Variants in STX6 observed in about 807,000 individuals in gnomAD.
The protein encoded by STX6 is syntaxin 6.
A neutral mutation model predicts 38.0 loss-of-function variants in STX6; 23 were observed. That is an observed-to-expected ratio of 0.60 (90% CI 0.43 to 0.86). STX6 has a LOEUF of 0.86. Ranked by LOEUF, STX6 falls within the 40% of genes least tolerant of loss-of-function variation. The pLI is 0.00. For synonymous variants in STX6, 123 were observed against 107.5 expected (o/e 1.14, Z -0.89); for missense variants, 274 against 312.9 (o/e 0.88, Z 0.94).
At chr1:181,018,277 G>A (rs1656620559) in intron 1 of STX6, among the ~76,000 whole-genome samples, 1 of 151,158 alleles carries the variant, frequency 6.6e-6, no homozygotes, top group African/African-American at 2.4e-5. Context: ...CAGCTACTTG[G>A]GAGGGTGTGG....
intron 1 of STX6, among the ~76,000 whole-genome samples, chr1:181,014,914 C>T (rs768269120): frequency 5.3e-5 from 8 of 152,080 alleles, no homozygotes; most frequent in Non-Finnish European, 8.8e-5. Flanking sequence ...AATTTTTGAC[C>T]CTAACTTACT....
chr1:181,000,586 T>C (rs1305059143), intron 3 of STX6, among the ~76,000 whole-genome samples: 5 of 152,258 alleles, frequency 3.3e-5, no homozygotes, highest in Non-Finnish European at 7.4e-5. Flanking sequence ...GGATTACAAT[T>C]CAAGATGAGA....
At chr1:181,017,635 G>A (rs1369082869) in intron 1 of STX6, among the ~76,000 whole-genome samples, 1 of 152,092 alleles carries the variant, frequency 6.6e-6, no homozygotes, top group Non-Finnish European at 1.5e-5. Context: ...AAAAACTACA[G>A]AACTAAACAA....
At chr1:180,989,871 G>A in intron 5 of STX6, 113 bp downstream of exon 5, 1 of 1,280,522 alleles carries the variant, frequency 7.8e-7, no homozygotes, top group South Asian at 1.3e-5. Context: ...CACAGGACAA[G>A]CTCTGGCTTA....
In STX6 at chr1:180,996,484, A is replaced by G. The variant is rs192192378; in HGVS notation, c.301-3059T>C. Among the ~76,000 whole-genome samples the G allele has an allele frequency of 1.8e-4, 28 of 152,368 alleles. No individual in the cohort carries two copies. In the Middle Eastern group the frequency reaches 0.01, roughly 56 times the overall value. Reference sequence around the variant, plus strand: ...TCTCCAATTAGACCAAGAAAGATGAAAAAGATTGATAATACTTAGTGAAGG... The same window carrying G: ...TCTCCAATTAGACCAAGAAAGATGAGAAAGATTGATAATACTTAGTGAAGG... On this transcript the variant is annotated intron_variant, in intron 3 of 7. Transcript: ENST00000258301.
rs145470831 is a variant in STX6 at position 181,021,700 on chromosome 1, G to T, written c.35+939C>A. On this transcript the variant is annotated intron_variant, in intron 1 of 7. Coordinates refer to ENST00000258301, the MANE Select transcript of STX6 (RefSeq NM_005819.6). ...TACATCAGAATTGATCTTCTTGCAT[G>T]TGTTTAATGGCTACGAAGTGGATAT... Among the ~76,000 whole-genome samples, 92 of 152,324 alleles carry T rather than the reference G, an allele frequency of 6.0e-4. 2 individuals carry two copies. Among genetic ancestry groups the T allele is most frequent in the East Asian group, 3.5e-3 (18 of 5,184 alleles).
Position 180,995,297 on chromosome 1 carries a change from A to G in STX6, c.301-1872T>C, listed in dbSNP as rs114839960. Among the ~76,000 whole-genome samples, 1,094 of 152,180 alleles carry G rather than the reference A, an allele frequency of 7.2e-3. 11 individuals carry two copies. Among genetic ancestry groups the G allele is most frequent in the Non-Finnish European group, 0.012 (791 of 67,984 alleles). Reference sequence around the variant, plus strand: ...TTTAAATGTAGTTCCCTAGGCCCCTATGAGACCTACGAAGTCAGACTCTTG... The same window carrying G: ...TTTAAATGTAGTTCCCTAGGCCCCTGTGAGACCTACGAAGTCAGACTCTTG... On this transcript the variant is annotated intron_variant, in intron 3 of 7. Transcript: ENST00000258301.
chr1:180,977,236 A>C (rs143577174), intron 7 of STX6, among the ~76,000 whole-genome samples: 1 of 152,234 alleles, frequency 6.6e-6, no homozygotes, highest in Non-Finnish European at 1.5e-5. Flanking sequence ...TCTGTAAATG[A>C]AAGTGGAATT....
rs578130441 is a variant in STX6, at chr1:180,999,056, T to C, written c.300+3550A>G. 2.2e-4 allele frequency among the ~76,000 whole-genome samples: 33 copies of C among 152,358 alleles called. 1 individual carries two copies. In the South Asian group the frequency reaches 5.0e-3, roughly 23 times the overall value. The stretch of plus-strand genomic sequence containing the variant: ...GGTCATCTGTGCTCACACTGGATAC[T>C]TCACCCTTTTTGATTAACCAAAGCC... On this transcript the variant is annotated intron_variant, in intron 3 of 7. Coordinates refer to ENST00000258301, the MANE Select transcript of STX6 (RefSeq NM_005819.6).
chr1:181,018,389 A>C (rs975300863), intron 1 of STX6, among the ~76,000 whole-genome samples: 5 of 48,830 alleles, frequency 1.0e-4, no homozygotes, highest in African/African-American at 2.3e-4. Flanking sequence ...ACTCTGTCCC[A>C]AAAAAAAAAA....
rs144559091 is a variant in STX6 at position 180,984,739 on chromosome 1, C to T, written c.629G>A (p.Ser210Asn). 240 of 1,594,280 alleles carry T rather than the reference C, an allele frequency of 1.5e-4. No homozygotes were observed. The highest frequency in any genetic ancestry group is 3.3e-4 in the Middle Eastern group (2 of 6,016). ...CACATTGTCCAGCCGGGACTGAGTG[C>T]TCTCCAATTCGTGAGAGAAATCTTC... ...MLEDFSHELE[S>N]TQSRLDNVMK... is the part of the protein sequence containing the mutation. Residue 210 changes from serine (S) to asparagine (N), a missense_variant, in exon 7 of 8, where the codon AGC becomes AAC. By Grantham distance (46) the Ser-to-Asn change is conservative. Coordinates refer to ENST00000258301, the MANE Select transcript of STX6 (RefSeq NM_005819.6).
chr1:181,022,722 G>A lies in STX6; in HGVS notation c.-49C>T, dbSNP rs1656781047. 1 of 1,561,784 alleles carries A rather than the reference G, an allele frequency of 6.4e-7. No homozygotes were observed. On this transcript the variant is annotated 5_prime_UTR_variant, in exon 1 of 8. It adds an upstream start codon to the 5' untranslated region. Coordinates refer to ENST00000258301, the MANE Select transcript of STX6 (RefSeq NM_005819.6). Reference sequence around the variant, plus strand: ...CACCTCCTCCGCGCACAGGGCGCCCGTGCCTCCCGGTCTCCCTCCGCCCAC... The same window carrying A: ...CACCTCCTCCGCGCACAGGGCGCCCATGCCTCCCGGTCTCCCTCCGCCCAC...
intron 7 of STX6, chr1:180,980,795 A>G (rs1424780891): frequency 6.6e-6 from 1 of 152,158 alleles, no homozygotes; most frequent in Non-Finnish European, 1.5e-5. Flanking sequence ...GTCCTTCAGT[A>G]GGTAAATGGA....
At chr1:180,976,723 C>A in intron 7 of STX6, 77 bp from the exon 8 acceptor site, 3 of 1,417,752 alleles carry the variant, frequency 2.1e-6, no homozygotes, top group Non-Finnish European at 3.0e-6. Context: ...GAATTTATGG[C>A]ACCCTTTGAA....
At chr1:181,005,238 A>C (rs907065605) in intron 2 of STX6, 56 bp downstream of exon 2, 4 of 1,558,760 alleles carry the variant, frequency 2.6e-6, no homozygotes, top group Admixed American at 1.9e-5. Flanking sequence ...ACTGGAGAAA[A>C]ACTTGTCCAT....
chr1:180,988,634 C>T lies in STX6; in HGVS notation c.490-289G>A, dbSNP rs556369923. The T allele has an allele frequency of 2.0e-4, 62 of 304,668 alleles. 1 individual carries two copies. The highest frequency in any genetic ancestry group is 1.9e-3 in the South Asian group (60 of 32,300). The allele number at this position is 304,668 out of a possible 1,614,324, so 18.9% of individuals were successfully genotyped here. ...GGCTGACGTCCAATAATGGAGCAGA[C>T]AATGGTTGAAAGCACACGTGCAGAT... On this transcript the variant is annotated intron_variant, in intron 5 of 7. Coordinates refer to ENST00000258301, the MANE Select transcript of STX6 (RefSeq NM_005819.6).
intron 3 of STX6, among the ~76,000 whole-genome samples, chr1:181,000,020 C>T (rs975120359): frequency 2.6e-5 from 4 of 152,292 alleles, no homozygotes; most frequent in African/African-American, 7.2e-5. Context: ...GCTATTTCCT[C>T]CTCTTCTATA....
chr1:181,013,441 C>T (rs569572758), intron 1 of STX6, among the ~76,000 whole-genome samples: 16 of 152,256 alleles, frequency 1.1e-4, no homozygotes, highest in African/African-American at 3.9e-4. Flanking sequence ...GTCTCAGCCT[C>T]CCAAGTTGCT....
At chr1:181,005,688 T>G (rs1656204289) in intron 1 of STX6, among the ~76,000 whole-genome samples, 2 of 152,226 alleles carry the variant, frequency 1.3e-5, no homozygotes, top group African/African-American at 4.8e-5. Flanking sequence ...TTTAAGCAGC[T>G]ACAATATCAA....
Sources: gnomAD v4.1 joint callset for allele counts (sites outside exome capture counted in the v4.1 genomes callset) on GRCh38, gnomAD v4.1.1 for gene constraint, MANE v1.5 for transcripts, NCBI Gene and HGNC (gene_info 2026-07-23, HGNC 2026-07-21) for gene names.